TANK: variants seen among roughly 807,000 people sequenced by gnomAD.
The protein encoded by TANK is TRAF family member-associated NF-kappa-B activator.
A neutral mutation model predicts 43.6 loss-of-function variants in TANK; 15 were observed. That is an observed-to-expected ratio of 0.34 (90% confidence interval 0.23 to 0.53). The LOEUF is 0.53. Ranked by LOEUF, TANK falls within the 20% of genes least tolerant of loss-of-function variation. The pLI is 0.94. For synonymous variants in TANK, 162 were observed against 178.2 expected (o/e 0.91, Z 0.73); for missense variants, 417 against 498.6 (o/e 0.84, Z 1.56).
At chr2:161,208,032 A>G (rs943161904) in intron 4 of TANK, 1 of 716,812 alleles carries the variant, frequency 1.4e-6, no homozygotes, top group African/African-American at 1.9e-5. Context: ...AACAGAAGGA[A>G]GCCACTACGA....
intron 1 of TANK, among the ~76,000 whole-genome samples, chr2:161,142,868 G>C (rs1245206699): frequency 6.6e-6 from 1 of 152,038 alleles, no homozygotes; most frequent in African/African-American, 2.4e-5. Flanking sequence ...AAAAATGTCA[G>C]TGGTAGTTTG....
chr2:161,164,140 A>T (rs1684566680), intron 1 of TANK, among the ~76,000 whole-genome samples: 1 of 152,210 alleles, frequency 6.6e-6, no homozygotes, highest in African/African-American at 2.4e-5. Context: ...ATGAAAGAAG[A>T]CTGCATGTTT....
intron 4 of TANK, among the ~76,000 whole-genome samples, chr2:161,208,974 G>C (rs534848979): frequency 6.6e-6 from 1 of 152,264 alleles, no homozygotes; most frequent in Non-Finnish European, 1.5e-5. Context: ...TGTAGATTGT[G>C]GTGTACAGAA....
intron 4 of TANK, chr2:161,222,662 A>G (rs1247361877): frequency 6.6e-6 from 1 of 152,088 alleles, no homozygotes; most frequent in Non-Finnish European, 1.5e-5. Flanking sequence ...ATAATGCTCA[A>G]TACAGCAGTT....
chr2:161,165,624 A>C (rs1558968315), intron 1 of TANK, among the ~76,000 whole-genome samples: 2 of 151,746 alleles, frequency 1.3e-5, no homozygotes, highest in African/African-American at 4.8e-5. Flanking sequence ...ATACAGTCCT[A>C]CTCCTCCTCT....
chr2:161,228,014 C>T (rs779833737), intron 6 of TANK, among the ~76,000 whole-genome samples: 1 of 152,128 alleles, frequency 6.6e-6, no homozygotes, highest in Non-Finnish European at 1.5e-5. Flanking sequence ...GGAGAGATTA[C>T]AGATTCATTC....
intron 2 of TANK, among the ~76,000 whole-genome samples, chr2:161,188,438 C>A (rs772389370): frequency 6.6e-6 from 1 of 152,072 alleles, no homozygotes; most frequent in Non-Finnish European, 1.5e-5. Context: ...GCTAGTAAAA[C>A]ATCCTAGAAA....
upstream of TANK, chr2:161,159,232 A>C (rs529776667): frequency 1.3e-5 from 2 of 152,260 alleles, no homozygotes; most frequent in South Asian, 4.1e-4. Flanking sequence ...TCCGCACAAA[A>C]AAACCTGCAC....
chr2:161,195,071 C>T (rs1443726510), intron 2 of TANK, among the ~76,000 whole-genome samples: 6 of 152,110 alleles, frequency 3.9e-5, no homozygotes, highest in Non-Finnish European at 8.8e-5. Flanking sequence ...ATCCTTTCTT[C>T]CAAGGTTTTA....
intron 1 of TANK, among the ~76,000 whole-genome samples, chr2:161,177,908 A>G (rs767350838): frequency 2.8e-4 from 42 of 152,274 alleles, no homozygotes; most frequent in African/African-American, 8.2e-4. Context: ...CAGATGGCCA[A>G]TAAGCTCATG....
chr2:161,204,917 G>T, intron 4 of TANK, 124 bp downstream of exon 4: 1 of 1,469,890 alleles, frequency 6.8e-7, no homozygotes. Context: ...CAAATATGTG[G>T]CTTAAATATT....
chr2:161,204,063 A>G (rs1380780495), intron 3 of TANK, among the ~76,000 whole-genome samples: 1 of 152,206 alleles, frequency 6.6e-6, no homozygotes, highest in Non-Finnish European at 1.5e-5. Flanking sequence ...TGATGATAAT[A>G]GGTATTAACT....
Position 161,168,576 on chromosome 2 carries a change from T to C in TANK, c.-50+8090T>C, listed in dbSNP as rs535055689. 3.7e-4 allele frequency among the ~76,000 whole-genome samples: 57 copies of C among 152,304 alleles called. 1 individual carries two copies. The South Asian group carries it at 0.011, about 28-fold the overall frequency. On this transcript the variant is annotated intron_variant, in intron 1 of 7. Transcript: ENST00000392749. ...GGCCAGGCACAGTGGCTTATGCCTATAATCCAAGCACTTTGGGAGGCCGAG... is the reference window on the plus strand; with the variant it reads ...GGCCAGGCACAGTGGCTTATGCCTACAATCCAAGCACTTTGGGAGGCCGAG...
chr2:161,212,457 A>G (rs1200844473), intron 4 of TANK: 6 of 984,358 alleles, frequency 6.1e-6, no homozygotes, highest in African/African-American at 3.5e-5. Flanking sequence ...TCCAATCTAA[A>G]TTATTAATTA....
intron 4 of TANK, among the ~76,000 whole-genome samples, chr2:161,214,857 G>A (rs935494275): frequency 6.6e-6 from 1 of 152,090 alleles, no homozygotes; most frequent in African/African-American, 2.4e-5. Flanking sequence ...ATTTTCATTG[G>A]TCCTGCCTAG....
chr2:161,186,826 CA>C (rs573457512), intron 2 of TANK, among the ~76,000 whole-genome samples: 1 of 151,986 alleles, frequency 6.6e-6, no homozygotes, highest in Admixed American at 6.6e-5. Flanking sequence ...AGCAAAACAA[CA>C]AAAACAAATC....
Position 161,231,397 on chromosome 2 carries a change from A to G in TANK, c.947A>G (p.Asn316Ser). The change falls in exon 7 of 8, where the codon AAC becomes AGC. Residue 316 changes from asparagine to serine, a missense_variant. Transcript: ENST00000392749. ...TDKTKPSNLV[N>S]TCIRTTLDRA... ...AAAACAAAGCCCTCAAATCTCGTAA[A>G]CACTTGTATCAGGACAACTCTGGAT... is the stretch of plus-strand genomic sequence containing the variant. The G allele has an allele frequency of 6.2e-7, 1 of 1,614,184 alleles. No homozygotes were observed. Among genetic ancestry groups the G allele is most frequent in the South Asian group, 1.1e-5 (1 of 91,088 alleles).
In TANK at chr2:161,205,333, A is replaced by C. The variant is rs554257095; in HGVS notation, c.327+540A>C. 7.9e-5 allele frequency among the ~76,000 whole-genome samples: 12 copies of C among 152,110 alleles called. No homozygotes were observed. The East Asian group carries it at 1.4e-3, about 17-fold the overall frequency. ...GACCCTATCTCTAAATAAATAAATA[A>C]ATGAATTAATGAATGAATGCCACAT... On this transcript the variant is annotated intron_variant, in intron 4 of 7. Coordinates refer to ENST00000392749, the MANE Select transcript of TANK (RefSeq NM_001199135.3).
At chr2:161,196,456 G>A (rs1204985288) in intron 2 of TANK, among the ~76,000 whole-genome samples, 1 of 152,186 alleles carries the variant, frequency 6.6e-6, no homozygotes, top group Non-Finnish European at 1.5e-5. Flanking sequence ...CTAATACGAT[G>A]TGGCATAGTG....
Sources: gnomAD v4.1 joint callset for allele counts (sites outside exome capture counted in the v4.1 genomes callset) on GRCh38, gnomAD v4.1.1 for gene constraint, MANE v1.5 for transcripts, NCBI Gene and HGNC (gene_info 2026-07-23, HGNC 2026-07-21) for gene names.